The following ARRB1 variants were observed in gnomAD, a reference collection of about 807,000 sequenced individuals.
ARRB1 encodes the protein beta-arrestin-1.
ARRB1 carries 21 observed loss-of-function variants against 56.8 expected under a neutral mutation model. That is an observed-to-expected ratio of 0.37 (90% CI 0.26 to 0.53). ARRB1 has a LOEUF of 0.53. ARRB1 is among the 20% of genes least tolerant of loss of function. The probability of loss-of-function intolerance (pLI) is 0.88; values close to 1 mark genes in which losing one functional copy is unlikely to be tolerated. For synonymous variants in ARRB1, 210 were observed against 218.6 expected (o/e 0.96, Z 0.35); for missense variants, 424 against 553.7 (o/e 0.77, Z 2.35).
chr11:75,308,155 C>G (rs1228200188), intron 1 of ARRB1, among the ~76,000 whole-genome samples: 2 of 152,240 alleles, frequency 1.3e-5, no homozygotes, highest in African/African-American at 4.8e-5. Flanking sequence ...TTCCTACTCA[C>G]GGCAGCTCCA....
intron 1 of ARRB1, among the ~76,000 whole-genome samples, chr11:75,310,322 G>T (rs1947129343): frequency 2.6e-5 from 4 of 152,162 alleles, no homozygotes; most frequent in Admixed American, 2.6e-4. Flanking sequence ...GTTCAACATA[G>T]GTAGGTGAGT....
chr11:75,346,499 A>G (rs1298942078), intron 1 of ARRB1, among the ~76,000 whole-genome samples: 1 of 151,668 alleles, frequency 6.6e-6, no homozygotes, highest in Non-Finnish European at 1.5e-5. Context: ...TTCCTCCAAG[A>G]GGCTCAAGCC....
At chr11:75,305,014 C>CTTTTT (rs1468045692) in intron 1 of ARRB1, among the ~76,000 whole-genome samples, 1 of 100,028 alleles carries the variant, frequency 1.0e-5, no homozygotes, top group African/African-American at 3.4e-5. Flanking sequence ...TCTTTTCTTT[C>CTTTTT]TTTCTTTTTT....
At position 75,298,241 on chromosome 11, in the gene ARRB1, T is replaced by C. The variant is rs1377578830; in HGVS notation, c.21-8202A>G. 3.4e-5 allele frequency among the ~76,000 whole-genome samples: 4 copies of C among 118,164 alleles called. No homozygotes were observed. In the East Asian group the frequency reaches 9.1e-4, roughly 27 times the overall value. 77.5% of individuals were successfully genotyped at this position (118,164 alleles called of 152,430 possible). ...ATGTACCCTAGAACTTAAAGTATAA[T>C]TAAAAAAAAAAAAAAAAGAAACCCA... On this transcript the variant is annotated intron_variant, in intron 1 of 15. Transcript: ENST00000420843.
At chr11:75,269,061 G>T in intron 13 of ARRB1, 102 bp from the exon 14 acceptor site, 1 of 1,285,656 alleles carries the variant, frequency 7.8e-7, no homozygotes, top group South Asian at 1.2e-5. Flanking sequence ...GGGTTTTGCC[G>T]TCAGAGGAGG....
At chr11:75,273,934 C>A in intron 11 of ARRB1, 140 bp downstream of exon 11, 1 of 1,344,832 alleles carries the variant, frequency 7.4e-7, no homozygotes, top group Non-Finnish European at 1.0e-6. Flanking sequence ...CCTGACAAGT[C>A]AAGCACCTGA....
rs376042541 is a variant in ARRB1, at chr11:75,287,319, A to C, written c.108T>G (p.Pro36=). The change falls in exon 3 of 16, where the codon CCT becomes CCG. Residue 36 remains proline, a synonymous_variant. Coordinates refer to ENST00000420843, the MANE Select transcript of ARRB1 (RefSeq NM_004041.5). ...DFVDHIDLVD[P]VDGVVLVDPE... ...TCTCGCCCTCCAGGGACTCACCCAC[A>C]GGGTCCACGAGGTCGATGTGGTCCA... The C allele has an allele frequency of 3.2e-6, 5 of 1,555,032 alleles. No homozygotes were observed. The African/African-American group carries it at 5.5e-5, about 17-fold the overall frequency.
Position 75,274,193 on chromosome 11 carries a change from G to A in ARRB1, c.795C>T (p.Ser265=), listed in dbSNP as rs1946140706. Residue 265 remains serine (S), a synonymous_variant, in exon 11 of 16, where the codon AGC becomes AGT. Transcript: ENST00000420843. ...MEEADDTVAP[S]STFCKVYTLT... ...GTGTGTAGACCTTGCAGAACGTCGA[G>A]CTGGGTGCCACAGTGTCACTGGGAA... 1.2e-6 allele frequency: 2 copies of A among 1,614,016 alleles called. No homozygotes were observed. The highest frequency in any genetic ancestry group is 1.7e-5 in the Admixed American group (1 of 60,002).
intron 2 of ARRB1, among the ~76,000 whole-genome samples, chr11:75,287,788 T>A (rs944770741): frequency 6.6e-5 from 10 of 152,354 alleles, no homozygotes; most frequent in Non-Finnish European, 1.3e-4. Flanking sequence ...CGGGCCGCGC[T>A]GTGTTCTTCA....
intron 1 of ARRB1, among the ~76,000 whole-genome samples, chr11:75,332,069 C>A (rs1947531170): frequency 6.8e-6 from 1 of 146,428 alleles, no homozygotes; most frequent in Non-Finnish European, 1.5e-5. Context: ...AGAGAACAAC[C>A]CCCTTTAACT....
intron 8 of ARRB1, among the ~76,000 whole-genome samples, 170 bp downstream of exon 8, chr11:75,278,439 C>G (rs1026783089): frequency 3.3e-5 from 5 of 152,234 alleles, no homozygotes; most frequent in African/African-American, 7.2e-5. Context: ...GCCCAAGAGG[C>G]TTCTCCAAAT....
intron 15 of ARRB1, among the ~76,000 whole-genome samples, chr11:75,267,084 C>T (rs1945938075): frequency 6.6e-6 from 1 of 152,188 alleles, no homozygotes; most frequent in South Asian, 2.1e-4. Flanking sequence ...CCCCACACCC[C>T]AGATTTCTCC....
intron 1 of ARRB1, among the ~76,000 whole-genome samples, chr11:75,319,330 G>A (rs572063139): frequency 2.0e-5 from 3 of 152,164 alleles, no homozygotes; most frequent in African/African-American, 4.8e-5. Context: ...ACAGAGACCC[G>A]GGACCAGGTG....
chr11:75,266,253 C>T lies in ARRB1; in HGVS notation c.1167G>A (p.Glu389=). ...LDTNDDDIVF[E]DFARQRLKGM... ...CTTTCAGTCTCTGGCGAGCAAAGTCCTCAAATACAATGTCGTCATCACTGG... is the reference window on the plus strand; with the variant it reads ...CTTTCAGTCTCTGGCGAGCAAAGTCTTCAAATACAATGTCGTCATCACTGG... The change falls in exon 16 of 16, where the codon GAG becomes GAA. Residue 389 remains glutamate, a synonymous_variant. Transcript: ENST00000420843. 1 of 1,614,176 alleles carries T rather than the reference C, an allele frequency of 6.2e-7. No individual in the cohort carries two copies. Among genetic ancestry groups the T allele is most frequent in the Non-Finnish European group, 8.5e-7 (1 of 1,180,024 alleles).
chr11:75,344,188 C>A (rs1947733993), intron 1 of ARRB1, among the ~76,000 whole-genome samples: 1 of 152,178 alleles, frequency 6.6e-6, no homozygotes. Context: ...TGGGAGACAG[C>A]ACTACCCTTT....
At chr11:75,273,401 G>A (rs955044031) in intron 11 of ARRB1, among the ~76,000 whole-genome samples, 10 of 152,326 alleles carry the variant, frequency 6.6e-5, no homozygotes, top group South Asian at 4.1e-4. Flanking sequence ...CGCAGAGGTG[G>A]TGCTTCAGCT....
At chr11:75,284,415 C>T (rs1946426029) in intron 3 of ARRB1, 136 bp from the exon 4 acceptor site, 2 of 863,286 alleles carry the variant, frequency 2.3e-6, no homozygotes, top group East Asian at 2.9e-5. Flanking sequence ...AAGGCGGGCA[C>T]CTAGAGGGTG....
Position 75,278,685 on chromosome 11 carries a change from T to A in ARRB1, c.542A>T (p.Gln181Leu). The part of the protein sequence containing the change: ...VQYAPERPGP[Q>L]PTAETTRQFL... ...CTGCCTGGTGGTCTCGGCTGTGGGCTGGGGGCCAGGCCTCTCTGGGGCATA... is the reference window on the plus strand; with the variant it reads ...CTGCCTGGTGGTCTCGGCTGTGGGCAGGGGGCCAGGCCTCTCTGGGGCATA... The change falls in exon 8 of 16, where the codon CAG becomes CTG. Residue 181 changes from glutamine to leucine, a missense_variant. By Grantham distance (113) the Gln-to-Leu change is moderately radical. Coordinates refer to ENST00000420843, the MANE Select transcript of ARRB1 (RefSeq NM_004041.5). 6.2e-7 allele frequency: 1 copy of A among 1,614,126 alleles called. No homozygotes were observed. The highest frequency in any genetic ancestry group is 8.5e-7 in the Non-Finnish European group (1 of 1,179,994).
At chr11:75,336,302 T>C (rs1480003812) in intron 1 of ARRB1, among the ~76,000 whole-genome samples, 1 of 152,082 alleles carries the variant, frequency 6.6e-6, no homozygotes, top group Non-Finnish European at 1.5e-5. Flanking sequence ...TGAAACCTGT[T>C]TGAAAGCAGT....
Sources: gnomAD v4.1 joint callset for allele counts (sites outside exome capture counted in the v4.1 genomes callset) on GRCh38, gnomAD v4.1.1 for gene constraint, MANE v1.5 for transcripts, NCBI Gene and HGNC (gene_info 2026-07-23, HGNC 2026-07-21) for gene names.